Variants in MCF2L observed in about 807,000 individuals in gnomAD.
MCF2L encodes the protein guanine nucleotide exchange factor DBS.
A neutral mutation model predicts 153.4 loss-of-function variants in MCF2L; 97 were observed. The observed-to-expected ratio is 0.63, with a 90% CI of 0.54 to 0.75. The LOEUF (loss-of-function observed/expected upper bound fraction) is 0.75, where lower values mean the gene tolerates loss of function less well. MCF2L is among the 30% of genes least tolerant of loss of function. MCF2L has a pLI of 0.00. For missense variants in MCF2L, 1,347 were observed against 1,495.2 expected, an observed-to-expected ratio of 0.90 and a Z score of 1.64; for synonymous variants, 659 against 632.2, an observed-to-expected ratio of 1.04 and a Z score of -0.64.
In MCF2L at chr13:113,099,475, C is replaced by T. The variant is rs929636466; in HGVS notation, c.*2616C>T. ...CACGGGAGGGAGCAGCCACGGCCAG[C>T]TCAGATTGGTGTCGACAGCTTAGTG... is the stretch of plus-strand genomic sequence containing the variant. On this transcript the variant is annotated 3_prime_UTR_variant, in exon 30 of 30. Transcript: ENST00000535094. 2 of 152,198 alleles carry T rather than the reference C, an allele frequency of 1.3e-5. No homozygotes were observed. The highest frequency in any genetic ancestry group is 6.5e-5 in the Admixed American group (1 of 15,280). The allele number at this position is 152,198 out of a possible 1,614,324, so 9.4% of individuals were successfully genotyped here.
chr13:112,974,847 A>T (rs1268397184), intron 1 of MCF2L, among the ~76,000 whole-genome samples: 1 of 152,320 alleles, frequency 6.6e-6, no homozygotes, highest in African/African-American at 2.4e-5. Context: ...GGGTCTACTG[A>T]CTCATAATTT....
At chr13:112,922,339 A>G (rs2081361226) in intron 2 of MCF2L, among the ~76,000 whole-genome samples, 2 of 152,230 alleles carry the variant, frequency 1.3e-5, no homozygotes, top group Admixed American at 1.3e-4. Context: ...TCTAAAGATC[A>G]TACAATTTCA....
intron 1 of MCF2L, 133 bp from the exon 2 acceptor site, chr13:113,014,630 C>G: frequency 1.5e-6 from 1 of 647,582 alleles, no homozygotes; most frequent in Non-Finnish European, 2.7e-6. Context: ...AACTGAAAAG[C>G]CTTTTTCCAG....
intron 21 of MCF2L, among the ~76,000 whole-genome samples, 183 bp from the exon 22 acceptor site, chr13:113,087,052 C>T (rs1054112155): frequency 2.0e-5 from 3 of 152,218 alleles, no homozygotes; most frequent in African/African-American, 7.2e-5. Flanking sequence ...TCCATCCCTC[C>T]TCCCCCAGCC....
At chr13:112,896,054 G>A (rs368891734) in intron 1 of MCF2L, among the ~76,000 whole-genome samples, 4 of 152,218 alleles carry the variant, frequency 2.6e-5, no homozygotes, top group Non-Finnish European at 4.4e-5. Context: ...GGTCTGCAAC[G>A]TTAGACGGTG....
chr13:112,920,341 A>G (rs936574094), intron 2 of MCF2L, among the ~76,000 whole-genome samples: 1 of 152,192 alleles, frequency 6.6e-6, no homozygotes, highest in African/African-American at 2.4e-5. Context: ...AAAATCAGCT[A>G]TGAAGAGTGA....
intron 2 of MCF2L, among the ~76,000 whole-genome samples, chr13:112,922,860 G>A (rs1219314646): frequency 2.0e-5 from 3 of 152,262 alleles, no homozygotes; most frequent in Admixed American, 1.3e-4. Context: ...AAAAACCATC[G>A]TGACAATTAG....
In MCF2L at chr13:112,941,237, G is replaced by T. The variant is rs1424920692; in HGVS notation, c.169+38866G>T. 6.6e-6 allele frequency among the ~76,000 whole-genome samples: 1 copy of T among 151,806 alleles called. No homozygotes were observed. The highest frequency in any genetic ancestry group is 1.5e-5 in the Non-Finnish European group (1 of 67,984). On this transcript the variant is annotated intron_variant, in intron 2 of 29. Transcript: ENST00000375608. The surrounding 1 kb of genome is among the most constrained non-coding windows in gnomAD (Gnocchi z 4.9). Reference sequence around the variant, plus strand: ...TTTAGAAACATAGTTCCTGGGATGTGTCCTGTTCACAAAGCCCAGGGTACA... The same window carrying T: ...TTTAGAAACATAGTTCCTGGGATGTTTCCTGTTCACAAAGCCCAGGGTACA...
intron 1 of MCF2L, among the ~76,000 whole-genome samples, chr13:113,007,335 T>A (rs1408170916): frequency 6.6e-6 from 1 of 152,196 alleles, no homozygotes; most frequent in Non-Finnish European, 1.5e-5. Context: ...ACCCTCCTGG[T>A]GCCCCTGGCT....
At position 113,051,143 on chromosome 13, in the gene MCF2L, G is replaced by A. The variant is rs553587348; in HGVS notation, c.369+5782G>A. Among the ~76,000 whole-genome samples the A allele has an allele frequency of 3.3e-5, 5 of 152,332 alleles. No homozygotes were observed. The South Asian group carries it at 1.0e-3, about 32-fold the overall frequency. On this transcript the variant is annotated intron_variant, in intron 4 of 29. Transcript: ENST00000535094. ...CCCCGTGGTGGACAGAAGGGGACCAGGATCTGCAGGCTGTCTCCTCCGCAC... is the reference window on the plus strand; with the variant it reads ...CCCCGTGGTGGACAGAAGGGGACCAAGATCTGCAGGCTGTCTCCTCCGCAC...
chr13:113,012,289 A>G (rs1391444365), intron 1 of MCF2L, among the ~76,000 whole-genome samples: 19 of 97,772 alleles, frequency 1.9e-4, no homozygotes, highest in Admixed American at 1.1e-4. Flanking sequence ...TGGTGTAGAC[A>G]GTGGACACTG....
chr13:113,087,822 G>C, intron 23 of MCF2L, 23 bp downstream of exon 23: 1 of 1,593,612 alleles, frequency 6.3e-7, no homozygotes, highest in South Asian at 1.1e-5. Flanking sequence ...CCCTACCCCT[G>C]GCCTCTTACA....
rs1445602177 is a variant in MCF2L at position 113,082,484 on chromosome 13, CACA to C, written c.1938_1940del (p.Asn646del). On this transcript the variant is annotated inframe_deletion, in exon 17 of 30. Transcript: ENST00000535094. ...GGCTCACCTCCTGTCAACAGGCCTT[CACA>C]ACAAGAAGGATGTTTTGTTTGGAAA... 1 of 1,614,090 alleles carries C rather than the reference CACA, an allele frequency of 6.2e-7. No homozygotes were observed. The highest frequency in any genetic ancestry group is 1.1e-5 in the South Asian group (1 of 91,084).
At chr13:112,964,541 C>G (rs74598328), upstream of MCF2L, among the ~76,000 whole-genome samples, 1,152 of 152,324 alleles carry the variant, frequency 7.6e-3, 15 homozygotes, top group African/African-American at 0.026. Context: ...TAGCCATACC[C>G]TTTGTCCTGT....
In MCF2L at chr13:112,932,809, TC is replaced by T. The variant is rs1248638354; in HGVS notation, c.169+30439del. Among the ~76,000 whole-genome samples, 5 of 152,072 alleles carry T rather than the reference TC, an allele frequency of 3.3e-5. No individual in the cohort carries two copies. Among genetic ancestry groups the T allele is most frequent in the Admixed American group, 3.3e-4 (5 of 15,252 alleles). On this transcript the variant is annotated intron_variant, in intron 2 of 29. Coordinates refer to the MCF2L transcript ENST00000375608. This position sits in a 1 kb window ranked among gnomAD's most constrained non-coding sequence, Gnocchi z 4.6. ...ACTTTGGGAGGTCAACGCGGGTGGA[TC>T]ATCTGAGGTCAGGAGTTGAAGACCA...
intron 2 of MCF2L, among the ~76,000 whole-genome samples, chr13:113,015,878 G>A (rs961179428): frequency 2.0e-5 from 3 of 152,194 alleles, no homozygotes; most frequent in African/African-American, 7.2e-5. Flanking sequence ...CCTGTGTCGG[G>A]GACCAGGCGT....
At chr13:113,002,259 G>A (rs1013649727) in intron 1 of MCF2L, among the ~76,000 whole-genome samples, 4 of 152,250 alleles carry the variant, frequency 2.6e-5, no homozygotes, top group African/African-American at 4.8e-5. Flanking sequence ...CAGTGGGGCC[G>A]CCTCTGCCCT....
At chr13:113,030,857 C>T (rs961780817) in intron 3 of MCF2L, among the ~76,000 whole-genome samples, 7 of 152,100 alleles carry the variant, frequency 4.6e-5, no homozygotes, top group African/African-American at 1.7e-4. Context: ...CACAGGTAGA[C>T]GGTCAGACCT....
chr13:112,919,474 G>A (rs1355308577), intron 2 of MCF2L, among the ~76,000 whole-genome samples: 2 of 151,846 alleles, frequency 1.3e-5, no homozygotes, highest in Non-Finnish European at 2.9e-5. Flanking sequence ...CAAAGTGCTG[G>A]GATTACAGGC....
Sources: allele counts gnomAD v4.1 joint callset (sites outside exome capture counted in the v4.1 genomes callset), GRCh38; gene constraint gnomAD v4.1.1; non-coding constraint Gnocchi (gnomAD v3.1); transcripts MANE v1.5; gene names NCBI Gene and HGNC (gene_info 2026-07-23, HGNC 2026-07-21).